The following CR1 variants were observed in gnomAD, a reference collection of about 807,000 sequenced individuals.
CR1 encodes the protein complement C3b/C4b receptor 1 (Knops blood group), also known as complement receptor type 1.
In CR1, 116 loss-of-function variants were observed where a neutral mutation model predicts 187.3. The ratio of observed to expected loss-of-function variants is 0.62; its 90% CI spans 0.53 to 0.72. CR1 has a LOEUF of 0.72. Among genes scored for constraint, CR1 ranks in the 30% least tolerant of loss-of-function variants. The probability of loss-of-function intolerance (pLI) is 0.00; values close to 1 mark genes in which losing one functional copy is unlikely to be tolerated. For synonymous variants in CR1, 576 were observed against 747.1 expected, an observed-to-expected ratio of 0.77 and a Z score of 3.73; for missense variants, 1,731 against 2,110.7, an observed-to-expected ratio of 0.82 and a Z score of 3.52.
chr1:207,567,884 A>G lies in CR1; in HGVS notation c.4013A>G (p.Glu1338Gly). Reference sequence around the variant, plus strand: ...GGGAGACACACAGGAAAACCTCTGGAAGTCTTTCCCTTTGGAAAAGCAGTA... The same window carrying G: ...GGGAGACACACAGGAAAACCTCTGGGAGTCTTTCCCTTTGGAAAAGCAGTA... ...PNGRHTGKPLEVFPFGKAVNY... is the reference protein window; with the variant it reads ...PNGRHTGKPLGVFPFGKAVNY... The change falls in exon 25 of 47, where the codon GAA becomes GGA. Residue 1338 changes from glutamate (E) to glycine (G), a missense_variant. By Grantham distance (98) the Glu-to-Gly change is moderately conservative. Transcript: ENST00000367049. 6.2e-7 allele frequency: 1 copy of G among 1,610,988 alleles called. No individual in the cohort carries two copies. The highest frequency in any genetic ancestry group is 1.4e-5 in the African/African-American group (1 of 72,452).
At chr1:207,636,729 T>A (rs879283578) in intron 46 of CR1, among the ~76,000 whole-genome samples, 1 of 152,240 alleles carries the variant, frequency 6.6e-6, no homozygotes, top group Non-Finnish European at 1.5e-5. Context: ...TAAAAATGAA[T>A]CTTTTGGATC....
At chr1:207,574,842 T>C (rs1660690270) in intron 27 of CR1, among the ~76,000 whole-genome samples, 1 of 152,198 alleles carries the variant, frequency 6.6e-6, no homozygotes, top group Non-Finnish European at 1.5e-5. Flanking sequence ...ATAATAAGTT[T>C]AATTTCCAAA....
chr1:207,509,409 T>C (rs898207324), intron 3 of CR1, among the ~76,000 whole-genome samples: 1 of 152,102 alleles, frequency 6.6e-6, no homozygotes, highest in African/African-American at 2.4e-5. Flanking sequence ...TGGCTCCCCT[T>C]ACAATAAGTA....
At chr1:207,588,895 C>T in intron 35 of CR1, 121 bp downstream of exon 35, 1 of 649,318 alleles carries the variant, frequency 1.5e-6, no homozygotes, top group South Asian at 2.1e-5. Flanking sequence ...AGCAATAGGA[C>T]TTATAGATGG....
intron 1 of CR1, among the ~76,000 whole-genome samples, chr1:207,501,264 A>C (rs1230777363): frequency 7.2e-5 from 11 of 152,236 alleles, no homozygotes; most frequent in Non-Finnish European, 5.9e-5. Context: ...ACAGAAGGGC[A>C]TGAGGGAACT....
intron 23 of CR1, 133 bp from the exon 24 acceptor site, chr1:207,565,705 G>A: frequency 8.5e-7 from 1 of 1,172,802 alleles, no homozygotes; most frequent in Non-Finnish European, 1.2e-6. Flanking sequence ...CCAGAATAAG[G>A]TAGCCTGTGC....
intron 4 of CR1, among the ~76,000 whole-genome samples, chr1:207,521,053 T>G (rs1659978018): frequency 1.4e-5 from 2 of 142,296 alleles, no homozygotes; most frequent in Non-Finnish European, 3.0e-5. Flanking sequence ...CTCGGCTCAC[T>G]GCAACCTCCG....
chr1:207,634,690 A>G (rs2102419380), intron 46 of CR1, among the ~76,000 whole-genome samples: 1 of 152,180 alleles, frequency 6.6e-6, no homozygotes, highest in South Asian at 2.1e-4. Context: ...CCTTAAAAGG[A>G]GACGCTTCAG....
chr1:207,620,237 C>T (rs1282197149), intron 43 of CR1, among the ~76,000 whole-genome samples, 172 bp downstream of exon 43: 1 of 152,230 alleles, frequency 6.6e-6, no homozygotes, highest in East Asian at 1.9e-4. Context: ...TAAGGCCAGA[C>T]TTCCTCTTCT....
At position 207,513,398 on chromosome 1, in the gene CR1, G is replaced by A. The variant is rs139727884; in HGVS notation, c.487+1744G>A. ...ATTCCTGGCCTACAGAGAATGAACC[G>A]TTGCAGAGGATGCTGAAACTCCCCA... is the stretch of plus-strand genomic sequence containing the variant. On this transcript the variant is annotated intron_variant, in intron 4 of 46. Coordinates refer to ENST00000367049, the MANE Select transcript of CR1 (RefSeq NM_000651.6). 4.2e-3 allele frequency among the ~76,000 whole-genome samples: 638 copies of A among 152,284 alleles called. 5 individuals carry two copies. Among genetic ancestry groups the A allele is most frequent in the African/African-American group, 0.015 (608 of 41,562 alleles).
chr1:207,526,149 C>T (rs1180224164), intron 5 of CR1, among the ~76,000 whole-genome samples: 1 of 152,010 alleles, frequency 6.6e-6, no homozygotes, highest in African/African-American at 2.4e-5. Context: ...CACCTTCTCA[C>T]TGAAGTGAAA....
intron 1 of CR1, 82 bp from the exon 2 acceptor site, chr1:207,505,822 C>T: frequency 1.4e-6 from 2 of 1,466,302 alleles, no homozygotes; most frequent in Non-Finnish European, 1.8e-6. Context: ...GGTGATGGAG[C>T]CAGTCTCCGT....
chr1:207,519,017 A>C (rs1558223207), intron 4 of CR1, among the ~76,000 whole-genome samples: 2 of 152,200 alleles, frequency 1.3e-5, no homozygotes, highest in Admixed American at 1.3e-4. Flanking sequence ...AATGCATGAA[A>C]TTTTTGGTTT....
intron 3 of CR1, 22 bp downstream of exon 3, chr1:207,506,835 CA>C: frequency 6.3e-7 from 1 of 1,582,242 alleles, no homozygotes; most frequent in Non-Finnish European, 8.7e-7. Context: ...TCTCTTGAAC[CA>C]ACATCTCTTG....
intron 4 of CR1, among the ~76,000 whole-genome samples, chr1:207,516,531 A>G (rs1659813131): frequency 6.6e-6 from 1 of 152,222 alleles, no homozygotes; most frequent in Non-Finnish European, 1.5e-5. Context: ...TTCCACATAA[A>G]GAATCCTACT....
At chr1:207,603,181 G>A (rs1661653764) in intron 35 of CR1, among the ~76,000 whole-genome samples, 2 of 152,016 alleles carry the variant, frequency 1.3e-5, no homozygotes, top group Admixed American at 6.6e-5. Flanking sequence ...CAAGAAGGGT[G>A]TTTGATACCA....
chr1:207,638,994 G>A (rs1372690142), intron 46 of CR1, among the ~76,000 whole-genome samples: 1 of 152,248 alleles, frequency 6.6e-6, no homozygotes, highest in East Asian at 1.9e-4. Flanking sequence ...GACAGTGGGG[G>A]TTGTTGTCCC....
Position 207,622,140 on chromosome 1 carries a change from G to A in CR1, c.7276+144G>A, listed in dbSNP as rs55665161. The A allele has an allele frequency of 2.0e-3, 1,076 of 529,088 alleles. 10 individuals carry two copies. The highest frequency in any genetic ancestry group is 0.014 in the East Asian group (364 of 26,852). The allele number at this position is 529,088 out of a possible 1,614,324, so 32.8% of individuals were successfully genotyped here. On this transcript the variant is annotated intron_variant, in intron 44 of 46. Coordinates refer to ENST00000367049, the MANE Select transcript of CR1 (RefSeq NM_000651.6). ...ATATCTTCAGTTGTAAGTTCAACTA[G>A]AAAGAAAATAATGATAAGTTAGGCC...
At chr1:207,506,856 T>A (rs756779746) in intron 3 of CR1, 43 bp downstream of exon 3, 2 of 1,493,958 alleles carry the variant, frequency 1.3e-6, no homozygotes, top group Non-Finnish European at 1.9e-6. Context: ...GGTTCAAGAG[T>A]TCTAACACAG....
Sources: gnomAD v4.1 joint callset for allele counts (sites outside exome capture counted in the v4.1 genomes callset) on GRCh38, gnomAD v4.1.1 for gene constraint, MANE v1.5 for transcripts, NCBI Gene and HGNC (gene_info 2026-07-23, HGNC 2026-07-21) for gene names.